The following ELMO1 variants were observed in gnomAD, a reference collection of about 807,000 sequenced individuals.
ELMO1 encodes engulfment and cell motility 1.
In ELMO1, 26 loss-of-function variants were observed where a neutral mutation model predicts 98.9. That is an observed-to-expected ratio of 0.26 (90% CI 0.19 to 0.36). The LOEUF is 0.36. ELMO1 is among the 10% of genes least tolerant of loss of function. The pLI, the probability that ELMO1 is intolerant of heterozygous loss-of-function variation, is 1.00. For missense variants in ELMO1, 627 were observed against 935.2 expected (o/e 0.67, Z 4.30); for synonymous variants, 346 against 346.0 (o/e 1.00, Z 0.00).
intron 15 of ELMO1, among the ~76,000 whole-genome samples, chr7:37,047,669 C>T (rs973827330): frequency 6.6e-6 from 1 of 152,148 alleles, no homozygotes; most frequent in Non-Finnish European, 1.5e-5. Flanking sequence ...TCACTACAAA[C>T]GTGTCTGAAT....
At chr7:36,937,746 T>C (rs1449131750) in intron 16 of ELMO1, among the ~76,000 whole-genome samples, 6 of 152,228 alleles carry the variant, frequency 3.9e-5, no homozygotes, top group Admixed American at 2.0e-4. Context: ...AGCACCACAA[T>C]ACCCGTTGTT....
At chr7:36,943,598 G>T (rs1055351915) in intron 16 of ELMO1, among the ~76,000 whole-genome samples, 2 of 152,200 alleles carry the variant, frequency 1.3e-5, no homozygotes, top group African/African-American at 4.8e-5. Context: ...CAACTGCTAC[G>T]TAAGAAAGTT....
chr7:37,255,810 C>G (rs77304084), intron 6 of ELMO1, among the ~76,000 whole-genome samples: 2 of 105,686 alleles, frequency 1.9e-5, no homozygotes, highest in Middle Eastern at 5.4e-3. Flanking sequence ...AATCAATAAA[C>G]AGGGGTAAAC....
chr7:37,247,894 A>AGTGTGTGTGTGTGT (rs1562551690), intron 6 of ELMO1, among the ~76,000 whole-genome samples: 16 of 108,172 alleles, frequency 1.5e-4, no homozygotes, highest in African/African-American at 5.9e-4. Flanking sequence ...TTTGAAATAA[A>AGTGTGTGTGTGTGT]ATGTGTGTGT....
At chr7:37,441,915 C>T (rs964262864) in intron 1 of ELMO1, among the ~76,000 whole-genome samples, 1 of 152,176 alleles carries the variant, frequency 6.6e-6, no homozygotes, top group African/African-American at 2.4e-5. Context: ...TAATACACCA[C>T]CTTAGACTCT....
intron 1 of ELMO1, among the ~76,000 whole-genome samples, chr7:37,405,219 A>G (rs768936647): frequency 5.5e-5 from 5 of 90,626 alleles, no homozygotes; most frequent in Admixed American, 2.7e-4. Context: ...AACAATGGGG[A>G]AAAAAAACCC....
intron 8 of ELMO1, among the ~76,000 whole-genome samples, chr7:37,226,965 A>G (rs1441926911): frequency 6.6e-6 from 1 of 152,238 alleles, no homozygotes; most frequent in Non-Finnish European, 1.5e-5. Context: ...TATGAAGTAC[A>G]CTGCGGGCCT....
chr7:37,400,509 A>G (rs911127905), intron 1 of ELMO1, among the ~76,000 whole-genome samples: 1 of 152,214 alleles, frequency 6.6e-6, no homozygotes, highest in African/African-American at 2.4e-5. Context: ...TTTAACTAAG[A>G]TATACTTTAA....
chr7:37,038,376 C>G (rs1450940304), intron 15 of ELMO1, among the ~76,000 whole-genome samples: 1 of 152,154 alleles, frequency 6.6e-6, no homozygotes, highest in Non-Finnish European at 1.5e-5. Flanking sequence ...ACCCCTGGAG[C>G]TTCACCCAGG....
chr7:37,142,262 G>C (rs963206722), intron 13 of ELMO1, among the ~76,000 whole-genome samples: 1 of 152,188 alleles, frequency 6.6e-6, no homozygotes, highest in Non-Finnish European at 1.5e-5. Context: ...GTAAAGAATA[G>C]TAAAACTTCC....
chr7:37,361,778 G>A (rs995628695), intron 1 of ELMO1, among the ~76,000 whole-genome samples: 1 of 151,834 alleles, frequency 6.6e-6, no homozygotes, highest in African/African-American at 2.4e-5. Context: ...GGGCAACACA[G>A]GGAAACCCTG....
chr7:37,116,553 A>G (rs1191260881), intron 14 of ELMO1, among the ~76,000 whole-genome samples: 1 of 152,188 alleles, frequency 6.6e-6, no homozygotes, highest in African/African-American at 2.4e-5. Context: ...TAACCTTTCA[A>G]TTCACATTAG....
chr7:37,210,935 G>A (rs1792928120), intron 13 of ELMO1: 2 of 160,942 alleles, frequency 1.2e-5, no homozygotes, highest in African/African-American at 4.8e-5. Flanking sequence ...GACCTTTTAA[G>A]AAAACATAAA....
chr7:37,040,792 T>C (rs1795460881), intron 15 of ELMO1, among the ~76,000 whole-genome samples: 1 of 152,098 alleles, frequency 6.6e-6, no homozygotes, highest in African/African-American at 2.4e-5. Flanking sequence ...AAAAGTCATA[T>C]GGGGCTGGGC....
intron 13 of ELMO1, among the ~76,000 whole-genome samples, chr7:37,185,969 C>G (rs1791179030): frequency 1.3e-5 from 2 of 152,160 alleles, no homozygotes; most frequent in South Asian, 4.1e-4. Context: ...CAAGACAATC[C>G]TGAAATTCAT....
At chr7:36,917,945 A>G (rs1208260665) in intron 16 of ELMO1, among the ~76,000 whole-genome samples, 1 of 152,244 alleles carries the variant, frequency 6.6e-6, no homozygotes, top group Non-Finnish European at 1.5e-5. Context: ...CATAATACTG[A>G]GTGAAAAAAT....
intron 16 of ELMO1, among the ~76,000 whole-genome samples, chr7:36,982,927 G>A (rs559585874): frequency 2.0e-5 from 3 of 152,262 alleles, no homozygotes; most frequent in African/African-American, 7.2e-5. Flanking sequence ...AAACTCTGAC[G>A]AACACAGTTT....
chr7:37,447,949 C>T (rs1805711660), intron 1 of ELMO1, among the ~76,000 whole-genome samples: 1 of 151,800 alleles, frequency 6.6e-6, no homozygotes, highest in African/African-American at 2.4e-5. Flanking sequence ...TGCGTCCCCT[C>T]TCCGAAGCCG....
At chr7:37,005,173 A>G (rs552769036) in intron 16 of ELMO1, among the ~76,000 whole-genome samples, 44 of 151,424 alleles carry the variant, frequency 2.9e-4, no homozygotes, top group Non-Finnish European at 4.3e-4. Context: ...ACAAAATCCA[A>G]CTCTTTCTGG....
Sources: gnomAD v4.1 joint callset for allele counts (sites outside exome capture counted in the v4.1 genomes callset) on GRCh38, gnomAD v4.1.1 for gene constraint, MANE v1.5 for transcripts, NCBI Gene and HGNC (gene_info 2026-07-23, HGNC 2026-07-21) for gene names.